NTM: variants seen among roughly 807,000 people sequenced by gnomAD.
NTM encodes the protein neurotrimin.
In NTM, 13 loss-of-function variants were observed where a neutral mutation model predicts 42.1. The ratio of observed to expected loss-of-function variants is 0.31; its 90% CI spans 0.20 to 0.49. The LOEUF (loss-of-function observed/expected upper bound fraction) is 0.49, where lower values mean the gene tolerates loss of function less well. Ranked by LOEUF, NTM falls within the 20% of genes least tolerant of loss-of-function variation. NTM has a pLI of 0.99. For synonymous variants in NTM, 187 were observed against 179.2 expected (o/e 1.04, Z -0.35); for missense variants, 373 against 452.8 (o/e 0.82, Z 1.60).
chr11:132,123,999 A>C (rs913533581), intron 2 of NTM, among the ~76,000 whole-genome samples: 4 of 152,118 alleles, frequency 2.6e-5, no homozygotes, highest in African/African-American at 9.7e-5. Context: ...TTGTGACCCG[A>C]GGCAATTTAT....
At chr11:131,951,439 G>A (rs1325702127) in intron 2 of NTM, among the ~76,000 whole-genome samples, 5 of 152,148 alleles carry the variant, frequency 3.3e-5, no homozygotes, top group Non-Finnish European at 7.4e-5. Context: ...CTTCTCTGAA[G>A]CAGATGCTCC....
intron 2 of NTM, among the ~76,000 whole-genome samples, chr11:132,103,260 C>G (rs893210493): frequency 6.6e-6 from 1 of 152,182 alleles, no homozygotes; most frequent in South Asian, 2.1e-4. Flanking sequence ...TGGAATCAGG[C>G]CCTTCTACCA....
intron 1 of NTM, among the ~76,000 whole-genome samples, chr11:131,553,326 G>T (rs545095690): frequency 2.6e-5 from 4 of 152,128 alleles, no homozygotes; most frequent in Non-Finnish European, 5.9e-5. Context: ...TTTTTAAAAA[G>T]ACTTAAGCAA....
At chr11:131,833,986 A>C (rs926245658) in intron 1 of NTM, among the ~76,000 whole-genome samples, 1 of 152,166 alleles carries the variant, frequency 6.6e-6, no homozygotes, top group African/African-American at 2.4e-5. Flanking sequence ...CTCAGGACTC[A>C]TCTAAGTTCT....
intron 2 of NTM, among the ~76,000 whole-genome samples, chr11:131,983,705 A>C (rs1453791312): frequency 6.6e-6 from 1 of 151,118 alleles, no homozygotes; most frequent in Non-Finnish European, 1.5e-5. Context: ...TATATAAATA[A>C]AATTCTCTGA....
intron 1 of NTM, among the ~76,000 whole-genome samples, chr11:131,754,852 TA>T (rs1156283978): frequency 6.6e-6 from 1 of 152,104 alleles, no homozygotes; most frequent in Non-Finnish European, 1.5e-5. Flanking sequence ...GACTCAGCAG[TA>T]AAAAGGAATG....
chr11:131,420,329 T>C (rs1184373257), intron 1 of NTM, among the ~76,000 whole-genome samples: 2 of 152,078 alleles, frequency 1.3e-5, no homozygotes, highest in African/African-American at 4.8e-5. Context: ...AGACAAAGCA[T>C]GCAGGCAGCC....
chr11:131,526,424 G>T (rs114064321), intron 1 of NTM, among the ~76,000 whole-genome samples: 1 of 152,204 alleles, frequency 6.6e-6, no homozygotes, highest in African/African-American at 2.4e-5. Context: ...TCCAATGTCC[G>T]CTTGGATTGT....
intron 1 of NTM, among the ~76,000 whole-genome samples, chr11:131,697,422 G>T (rs188679338): frequency 6.6e-6 from 1 of 152,124 alleles, no homozygotes; most frequent in Non-Finnish European, 1.5e-5. Context: ...AGGACCTTTG[G>T]TAACCTTGGA....
chr11:132,151,540 T>TA (rs34531284), intron 3 of NTM, among the ~76,000 whole-genome samples: 1 of 152,216 alleles, frequency 6.6e-6, no homozygotes, highest in Admixed American at 6.5e-5. Context: ...TAAAAAATGT[T>TA]AAAAAAGCTT....
chr11:131,919,489 A>T (rs573421859), intron 2 of NTM, among the ~76,000 whole-genome samples: 2 of 152,164 alleles, frequency 1.3e-5, no homozygotes, highest in Admixed American at 1.3e-4. Context: ...GGAGACAAAC[A>T]TCTCCAACAC....
intron 2 of NTM, among the ~76,000 whole-genome samples, chr11:131,988,711 T>G (rs184258703): frequency 1.3e-5 from 2 of 152,306 alleles, no homozygotes; most frequent in Non-Finnish European, 2.9e-5. Flanking sequence ...GGCAGTGCCT[T>G]CATTTTGACA....
chr11:132,299,094 G>A (rs1373093331), intron 4 of NTM, among the ~76,000 whole-genome samples: 1 of 152,112 alleles, frequency 6.6e-6, no homozygotes, highest in African/African-American at 2.4e-5. Flanking sequence ...AGGAGGTCGA[G>A]ACCATCCTGG....
intron 2 of NTM, among the ~76,000 whole-genome samples, chr11:131,950,037 C>G (rs1471121426): frequency 1.3e-5 from 2 of 152,132 alleles, no homozygotes; most frequent in Non-Finnish European, 2.9e-5. Flanking sequence ...GGTGCTTGAC[C>G]ATATTCAGTG....
chr11:131,413,619 G>A lies in NTM; in HGVS notation c.82+42731G>A, dbSNP rs1375584998. Among the ~76,000 whole-genome samples the A allele has an allele frequency of 3.3e-5, 5 of 152,210 alleles. No individual in the cohort carries two copies. The South Asian group carries it at 8.3e-4, about 25-fold the overall frequency. ...CTATTTCCTTTATATCACAGTCTGAGAGAACCAGTCGTCTGATTAAATTAA... is the reference window on the plus strand; with the variant it reads ...CTATTTCCTTTATATCACAGTCTGAAAGAACCAGTCGTCTGATTAAATTAA... On this transcript the variant is annotated intron_variant, in intron 1 of 8. Transcript: ENST00000683400.
At position 131,491,107 on chromosome 11, in the gene NTM, T is replaced by G. The variant is rs1954732246; in HGVS notation, c.82+120219T>G. Among the ~76,000 whole-genome samples the G allele has an allele frequency of 1.3e-5, 2 of 151,672 alleles. 1 individual carries two copies. Among genetic ancestry groups the G allele is most frequent in the South Asian group, 4.2e-4 (2 of 4,818 alleles). ...AAAGTTCTACCAAGTATCATAGACCTTGAAAGAAACTCAAAGTTTTTCAAG... is the reference window on the plus strand; with the variant it reads ...AAAGTTCTACCAAGTATCATAGACCGTGAAAGAAACTCAAAGTTTTTCAAG... On this transcript the variant is annotated intron_variant, in intron 1 of 8. Transcript: ENST00000683400.
intron 1 of NTM, among the ~76,000 whole-genome samples, chr11:131,773,121 A>G (rs1209027668): frequency 6.6e-6 from 1 of 152,214 alleles, no homozygotes; most frequent in African/African-American, 2.4e-5. Flanking sequence ...GGAAGCTGGG[A>G]AGTCCAAGGT....
intron 1 of NTM, among the ~76,000 whole-genome samples, chr11:131,456,580 G>GC (rs113319963): frequency 0.11 from 16,637 of 152,030 alleles, 2,319 homozygotes; most frequent in African/African-American, 0.32. Flanking sequence ...AGCTTGCAAA[G>GC]AGGGGGTTCA....
chr11:131,844,331 G>C (rs938682438), intron 1 of NTM, among the ~76,000 whole-genome samples: 3 of 151,976 alleles, frequency 2.0e-5, no homozygotes, highest in Non-Finnish European at 2.9e-5. Context: ...GGCTTCTGTT[G>C]GTTCATTTGT....
Sources: gnomAD v4.1 joint callset for allele counts (sites outside exome capture counted in the v4.1 genomes callset) on GRCh38, gnomAD v4.1.1 for gene constraint, MANE v1.5 for transcripts, NCBI Gene and HGNC (gene_info 2026-07-23, HGNC 2026-07-21) for gene names.